TRA2B: variants seen among roughly 807,000 people sequenced by gnomAD.
The protein encoded by TRA2B is transformer-2 protein homolog beta.
In TRA2B, 14 loss-of-function variants were observed where a neutral mutation model predicts 41.7. The ratio of observed to expected loss-of-function variants is 0.34; its 90% confidence interval spans 0.22 to 0.53. The LOEUF (loss-of-function observed/expected upper bound fraction) is 0.53, where lower values mean the gene tolerates loss of function less well. Ranked by LOEUF, TRA2B falls within the 20% of genes least tolerant of loss-of-function variation. TRA2B has a pLI of 0.95. For missense variants in TRA2B, 167 were observed against 396.8 expected (o/e 0.42, Z 4.92); for synonymous variants, 130 against 128.8 (o/e 1.01, Z -0.06).
At chr3:185,920,719 T>A (rs1337552937) in intron 6 of TRA2B, among the ~76,000 whole-genome samples, 1 of 152,158 alleles carries the variant, frequency 6.6e-6, no homozygotes, top group Non-Finnish European at 1.5e-5. Flanking sequence ...AAATTTTTAT[T>A]TCTGGTAGAG....
In TRA2B at chr3:185,919,412, G is replaced by A. The variant is rs372957727; in HGVS notation, c.782+25C>T. 5.0e-6 allele frequency: 8 copies of A among 1,603,084 alleles called. No individual in the cohort carries two copies. In the African/African-American group the frequency reaches 9.4e-5, roughly 19 times the overall value. On this transcript the variant is annotated intron_variant, in intron 7 of 8. Transcript: ENST00000453386. ...ATGTGAAGCTTTATACTGTTGTACA[G>A]ATGCTAAGTCCTCTCCTGGCATACC...
Position 185,917,007 on chromosome 3 carries a change from T to C in TRA2B, c.*708A>G, listed in dbSNP as rs1743525355. On this transcript the variant is annotated 3_prime_UTR_variant, in exon 9 of 9. Transcript: ENST00000453386. ...TTGCTGATAACTAGTTGAAATACCA[T>C]TATCCCCTTGTAACACCTTTAAGAA... 1 of 152,584 alleles carries C rather than the reference T, an allele frequency of 6.6e-6. No individual in the cohort carries two copies. Among genetic ancestry groups the C allele is most frequent in the African/African-American group, 2.4e-5 (1 of 41,432 alleles). The allele number at this position is 152,584 out of a possible 1,614,324, so 9.5% of individuals were successfully genotyped here.
At chr3:185,918,292 G>T in intron 8 of TRA2B, 73 bp downstream of exon 8, 2 of 1,105,228 alleles carry the variant, frequency 1.8e-6, no homozygotes, top group Non-Finnish European at 2.7e-6. Flanking sequence ...TCCATTATCT[G>T]ATAAAGGGAA....
intron 6 of TRA2B, among the ~76,000 whole-genome samples, chr3:185,920,804 C>T (rs571355737): frequency 6.6e-6 from 1 of 152,278 alleles, no homozygotes; most frequent in Admixed American, 6.5e-5. Context: ...GTTGGGATTA[C>T]AGGCGTGAGC....
chr3:185,935,599 T>G (rs924691057), intron 1 of TRA2B: 1 of 985,436 alleles, frequency 1.0e-6, no homozygotes, highest in Non-Finnish European at 1.2e-6. Context: ...TTGAAGAGAT[T>G]AGTGATTTAC....
chr3:185,926,884 T>A, intron 1 of TRA2B, 150 bp from the exon 2 acceptor site: 1 of 866,276 alleles, frequency 1.2e-6, no homozygotes, highest in Non-Finnish European at 1.7e-6. Flanking sequence ...TACCTGGTGT[T>A]AATAGTTTCA....
At position 185,923,781 on chromosome 3, in the gene TRA2B, C is replaced by T. The variant is rs188196361; in HGVS notation, c.522+15G>A. ...ATAGAACTGATGGTTTACAAAGGAACGGGCTTTTACTTACTTCCTTGGCAT... is the reference window on the plus strand; with the variant it reads ...ATAGAACTGATGGTTTACAAAGGAATGGGCTTTTACTTACTTCCTTGGCAT... On this transcript the variant is annotated intron_variant, in intron 4 of 8. Coordinates refer to ENST00000453386, the MANE Select transcript of TRA2B (RefSeq NM_004593.3). 2.2e-4 allele frequency: 351 copies of T among 1,592,544 alleles called. 2 individuals carry two copies. Among genetic ancestry groups the T allele is most frequent in the Non-Finnish European group, 6.4e-5 (75 of 1,170,338 alleles).
At position 185,925,585 on chromosome 3, in the gene TRA2B, G is replaced by T; in HGVS notation, c.212C>A (p.Ser71Ter). ...RRSSRRHYTR[S>*]RSRSRSHRRS... Reference sequence around the variant, plus strand: ...TCTATGGGAGCGGGAGCGAGACCGTGACCGGGTATAATGCCTTCGGGAGCT... The same window carrying T: ...TCTATGGGAGCGGGAGCGAGACCGTTACCGGGTATAATGCCTTCGGGAGCT... Residue 71 changes from serine to a stop codon, truncating the protein, a stop_gained, in exon 3 of 9, where the codon TCA (serine) becomes TAA (stop). Transcript: ENST00000453386. LOFTEE classifies it high-confidence loss of function. 1 of 1,614,132 alleles carries T rather than the reference G, an allele frequency of 6.2e-7. No homozygotes were observed. Among genetic ancestry groups the T allele is most frequent in the South Asian group, 1.1e-5 (1 of 91,034 alleles).
chr3:185,933,959 G>A (rs1744249347), intron 1 of TRA2B, among the ~76,000 whole-genome samples: 1 of 152,098 alleles, frequency 6.6e-6, no homozygotes, highest in Non-Finnish European at 1.5e-5. Flanking sequence ...AACAATCTAT[G>A]TTGATAACAT....
At position 185,926,299 on chromosome 3, in the gene TRA2B, C is replaced by T. The variant is rs140962184; in HGVS notation, c.170+302G>A. Among the ~76,000 whole-genome samples, 50 of 151,872 alleles carry T rather than the reference C, an allele frequency of 3.3e-4. No homozygotes were observed. In the East Asian group the frequency reaches 7.6e-3, roughly 23 times the overall value. ...GCCATACTAGTAAGCAGTTTACTTA[C>T]ATTTAGTAAATCCTCACAACAACCC... On this transcript the variant is annotated intron_variant, in intron 2 of 8. Coordinates refer to ENST00000453386, the MANE Select transcript of TRA2B (RefSeq NM_004593.3).
chr3:185,928,707 A>G (rs1158715448), intron 1 of TRA2B: 1 of 152,238 alleles, frequency 6.6e-6, no homozygotes, highest in Admixed American at 6.5e-5. Context: ...TATGGAAATG[A>G]AACAATTTTC....
chr3:185,915,595 A>T lies in TRA2B; in HGVS notation c.*2120T>A, dbSNP rs976946049. Among the ~76,000 whole-genome samples the T allele has an allele frequency of 6.6e-6, 1 of 151,566 alleles. No individual in the cohort carries two copies. Among genetic ancestry groups the T allele is most frequent in the African/African-American group, 2.4e-5 (1 of 40,850 alleles). ...CTTGGTAAAATTCCAAATTTTCCTC[A>T]GTCTTTTGCCTGTTAACACTCTTTG... On this transcript the variant is annotated 3_prime_UTR_variant, in exon 9 of 9. Transcript: ENST00000453386.
intron 7 of TRA2B, 125 bp downstream of exon 7, chr3:185,919,312 T>C: frequency 1.5e-6 from 1 of 652,174 alleles, no homozygotes; most frequent in Non-Finnish European, 2.5e-6. Flanking sequence ...TTAGAATATT[T>C]TCATGAGCTT....
chr3:185,914,987 TA>T lies in TRA2B; in HGVS notation c.*2727del, dbSNP rs1743453273. On this transcript the variant is annotated 3_prime_UTR_variant, in exon 9 of 9. Transcript: ENST00000453386. ...TATTCCTTATGTAGGGGCAACAATG[TA>T]AACATTGCAGACCTTGAGCATTCTC... Among the ~76,000 whole-genome samples the T allele has an allele frequency of 6.6e-6, 1 of 152,196 alleles. No homozygotes were observed.
chr3:185,925,306 G>T (rs1743904734), intron 3 of TRA2B, 158 bp downstream of exon 3: 1 of 816,680 alleles, frequency 1.2e-6, no homozygotes, highest in East Asian at 2.8e-5. Flanking sequence ...CCCCGTCATG[G>T]AAGATTAACT....
intron 6 of TRA2B, among the ~76,000 whole-genome samples, chr3:185,919,835 C>G (rs773019959): frequency 1.3e-5 from 2 of 152,034 alleles, no homozygotes; most frequent in Non-Finnish European, 2.9e-5. Context: ...AAATGCTGAA[C>G]AATACACTTA....
Position 185,926,862 on chromosome 3 carries a change from A to G in TRA2B, c.37-128T>C, listed in dbSNP as rs1402770212. On this transcript the variant is annotated intron_variant, in intron 1 of 8. Transcript: ENST00000453386. ...AAGATAAGAAAATATAGGTAAGGGC[A>G]GGAACTGAATATACCTGGTGTTAAT... The G allele has an allele frequency of 3.5e-6, 4 of 1,151,566 alleles. No homozygotes were observed. The East Asian group carries it at 1.0e-4, about 30-fold the overall frequency. 71.3% of individuals were successfully genotyped at this position (1,151,566 alleles called of 1,614,324 possible).
chr3:185,926,348 A>G (rs576220770), intron 2 of TRA2B, among the ~76,000 whole-genome samples: 1 of 152,296 alleles, frequency 6.6e-6, no homozygotes, highest in South Asian at 2.1e-4. Context: ...CTGTATTACT[A>G]ATTTGCCTTT....
intron 1 of TRA2B, chr3:185,929,204 T>A (rs1560012910): frequency 6.6e-6 from 1 of 152,202 alleles, no homozygotes; most frequent in Non-Finnish European, 1.5e-5. Flanking sequence ...AGTTAAAGCT[T>A]TCTGAAGTTA....
Sources: gnomAD v4.1 joint callset for allele counts (sites outside exome capture counted in the v4.1 genomes callset) on GRCh38, gnomAD v4.1.1 for gene constraint, MANE v1.5 for transcripts, NCBI Gene and HGNC (gene_info 2026-07-23, HGNC 2026-07-21) for gene names.